The following CADM2 variants were observed in gnomAD, a reference collection of about 807,000 sequenced individuals.
CADM2 encodes the protein immunoglobulin superfamily member 4D.
CADM2 carries 12 observed loss-of-function variants against 49.8 expected under a neutral mutation model. The observed-to-expected ratio is 0.24, with a 90% CI of 0.15 to 0.39. The LOEUF (loss-of-function observed/expected upper bound fraction) is 0.39. CADM2 is among the 10% of genes least tolerant of loss of function. The pLI is 1.00. For missense variants in CADM2, 378 were observed against 492.3 expected, an observed-to-expected ratio of 0.77 and a Z score of 2.20; for synonymous variants, 214 against 175.4, an observed-to-expected ratio of 1.22 and a Z score of -1.74.
At chr3:85,116,158 C>G (rs2038630361) in intron 1 of CADM2, among the ~76,000 whole-genome samples, 1 of 152,064 alleles carries the variant, frequency 6.6e-6, no homozygotes. Context: ...GAAACCCAGT[C>G]TCTACTAAAA....
intron 1 of CADM2, among the ~76,000 whole-genome samples, chr3:85,336,116 G>C (rs1333188781): frequency 6.6e-6 from 1 of 151,234 alleles, no homozygotes; most frequent in South Asian, 2.1e-4. Context: ...TATCTTTGAC[G>C]TCATTGCTTT....
chr3:85,295,030 C>T (rs1327878302), intron 1 of CADM2, among the ~76,000 whole-genome samples: 2 of 152,038 alleles, frequency 1.3e-5, no homozygotes, highest in South Asian at 2.1e-4. Flanking sequence ...AAAATTTTCA[C>T]AACCTACTCA....
chr3:85,079,643 C>T (rs1325356823), intron 1 of CADM2, among the ~76,000 whole-genome samples: 2 of 151,644 alleles, frequency 1.3e-5, no homozygotes, highest in African/African-American at 4.8e-5. Context: ...CAGTCATTAT[C>T]CTTTGGGCAC....
chr3:85,393,678 T>A (rs2034626460), intron 1 of CADM2, among the ~76,000 whole-genome samples: 1 of 152,162 alleles, frequency 6.6e-6, no homozygotes, highest in South Asian at 2.1e-4. Flanking sequence ...AAGTGCTTCT[T>A]TTAATGGAGC....
chr3:84,985,693 T>G (rs919954350), intron 1 of CADM2, among the ~76,000 whole-genome samples: 1 of 152,180 alleles, frequency 6.6e-6, no homozygotes, highest in African/African-American at 2.4e-5. Context: ...ATCCTCAATG[T>G]CACTAAAAGC....
chr3:85,337,016 TATAAATAAATATAA>T (rs2045105496), intron 1 of CADM2, among the ~76,000 whole-genome samples: 1 of 137,098 alleles, frequency 7.3e-6, no homozygotes, highest in Non-Finnish European at 1.6e-5. Flanking sequence ...ATATAATATA[TATAAATAAATATAA>T]ATATATATAT....
chr3:85,362,915 G>A (rs1271887176), intron 1 of CADM2, among the ~76,000 whole-genome samples: 1 of 152,164 alleles, frequency 6.6e-6, no homozygotes, highest in Non-Finnish European at 1.5e-5. Flanking sequence ...ACTTACGAAT[G>A]TAAGTTTTTC....
chr3:85,491,583 A>T (rs896942753), intron 1 of CADM2, among the ~76,000 whole-genome samples: 1 of 152,142 alleles, frequency 6.6e-6, no homozygotes, highest in Non-Finnish European at 1.5e-5. Flanking sequence ...GAAAAGCATA[A>T]TTATGAGTAC....
intron 1 of CADM2, among the ~76,000 whole-genome samples, chr3:85,195,333 C>A (rs9817509): frequency 0.41 from 62,383 of 151,670 alleles, 14,695 homozygotes; most frequent in Admixed American, 0.56. Flanking sequence ...ATTGCGTTTT[C>A]TATCTTTCTG....
intron 1 of CADM2, among the ~76,000 whole-genome samples, chr3:84,976,007 A>G (rs1192293102): frequency 2.0e-4 from 31 of 151,872 alleles, no homozygotes; most frequent in Admixed American, 2.0e-3. Context: ...AAGTTTTCCT[A>G]AGGAGAATTG....
intron 2 of CADM2, among the ~76,000 whole-genome samples, chr3:85,794,154 T>C (rs1014518996): frequency 2.6e-5 from 4 of 152,204 alleles, no homozygotes; most frequent in Non-Finnish European, 4.4e-5. Flanking sequence ...TCTTAAGATG[T>C]GATACTAATA....
intron 2 of CADM2, among the ~76,000 whole-genome samples, chr3:85,747,731 T>G (rs991473409): frequency 1.1e-4 from 17 of 152,124 alleles, no homozygotes; most frequent in African/African-American, 3.9e-4. Context: ...ATTTGGAAAT[T>G]TATGAACATT....
intron 1 of CADM2, among the ~76,000 whole-genome samples, chr3:85,135,606 A>C (rs1186607501): frequency 6.6e-6 from 1 of 152,072 alleles, no homozygotes; most frequent in African/African-American, 2.4e-5. Flanking sequence ...TAGCCTCAAT[A>C]AGTTTAAGTG....
intron 1 of CADM2, among the ~76,000 whole-genome samples, chr3:85,506,599 A>G (rs1157548368): frequency 6.6e-6 from 1 of 151,962 alleles, no homozygotes; most frequent in Non-Finnish European, 1.5e-5. Context: ...GGATATCACT[A>G]TGTTGCCCAG....
intron 1 of CADM2, among the ~76,000 whole-genome samples, chr3:85,231,660 C>CA (rs201298905): frequency 0.095 from 14,001 of 146,928 alleles, 830 homozygotes; most frequent in African/African-American, 0.17. Flanking sequence ...GTCTGGGGCT[C>CA]AAAAAACAAA....
intron 8 of CADM2, among the ~76,000 whole-genome samples, chr3:86,060,912 G>T (rs1307347933): frequency 1.3e-5 from 2 of 152,016 alleles, no homozygotes; most frequent in Non-Finnish European, 2.9e-5. Context: ...AACCCGGGAG[G>T]TGGAGGTTGC....
chr3:85,943,718 C>A (rs540881428), intron 7 of CADM2, among the ~76,000 whole-genome samples: 5,035 of 151,676 alleles, frequency 0.033, 279 homozygotes, highest in African/African-American at 0.12. Context: ...TCAATGGAAC[C>A]AAACAGAGCC....
At chr3:85,452,845 A>G (rs1576582868) in intron 1 of CADM2, among the ~76,000 whole-genome samples, 1 of 152,180 alleles carries the variant, frequency 6.6e-6, no homozygotes, top group African/African-American at 2.4e-5. Flanking sequence ...CCTAAAAACT[A>G]TGACAGCAAG....
chr3:85,726,629 C>G, intron 2 of CADM2, 81 bp downstream of exon 2: 1 of 1,095,432 alleles, frequency 9.1e-7, no homozygotes, highest in Non-Finnish European at 1.4e-6. Context: ...ATGATAGAAC[C>G]AATTCGGTTG....
Sources: allele counts gnomAD v4.1 joint callset (sites outside exome capture counted in the v4.1 genomes callset), GRCh38; gene constraint gnomAD v4.1.1; transcripts MANE v1.5; gene names NCBI Gene and HGNC (gene_info 2026-07-23, HGNC 2026-07-21).